PIK3R3: variants seen among roughly 807,000 people sequenced by gnomAD.
PIK3R3 encodes phosphoinositide-3-kinase regulatory subunit 3.
A neutral mutation model predicts 62.9 loss-of-function variants in PIK3R3; 64 were observed. That is an observed-to-expected ratio of 1.02 (90% CI 0.83 to 1.25). The LOEUF (loss-of-function observed/expected upper bound fraction) is 1.25, where lower values mean the gene tolerates loss of function less well. PIK3R3 is among the 50% of genes most tolerant of loss of function. The pLI, the probability that PIK3R3 is intolerant of heterozygous loss-of-function variation, is 0.00. For synonymous variants in PIK3R3, 165 were observed against 189.0 expected (o/e 0.87, Z 1.04); for missense variants, 614 against 561.6 (o/e 1.09, Z -0.94).
chr1:46,160,245 A>T, the PIK3R3 span, among the ~76,000 whole-genome samples: 152 of 152,288 alleles, frequency 1.0e-3, 1 homozygote, highest in Non-Finnish European at 5.4e-4. Flanking sequence ...GACAGTGAGT[A>T]CTCCATCCTT....
the PIK3R3 span, among the ~76,000 whole-genome samples, chr1:46,158,150 GCTGTCCTC>G: frequency 6.6e-6 from 1 of 152,072 alleles, no homozygotes; most frequent in African/African-American, 2.4e-5. Flanking sequence ...GCTGATCTAA[GCTGTCCTC>G]CTCCACTGCA....
intron 3 of PIK3R3, among the ~76,000 whole-genome samples, chr1:46,068,043 T>C (rs552165265): frequency 5.3e-5 from 8 of 152,248 alleles, no homozygotes; most frequent in Non-Finnish European, 1.0e-4. Context: ...TGCCATTTTA[T>C]ATAAATAGCA....
chr1:46,124,064 G>A (rs1208303325), intron 1 of PIK3R3, among the ~76,000 whole-genome samples: 1 of 152,088 alleles, frequency 6.6e-6, no homozygotes, highest in Non-Finnish European at 1.5e-5. Flanking sequence ...GAAAAGAATG[G>A]GGCAAAATAG....
chr1:46,102,289 T>C (rs1401435685), intron 1 of PIK3R3, among the ~76,000 whole-genome samples: 1 of 152,018 alleles, frequency 6.6e-6, no homozygotes, highest in Non-Finnish European at 1.5e-5. Context: ...CCGGCCTGAA[T>C]TGTATACTTA....
the PIK3R3 span, among the ~76,000 whole-genome samples, chr1:46,160,886 G>A: frequency 6.6e-6 from 1 of 152,212 alleles, no homozygotes; most frequent in African/African-American, 2.4e-5. Flanking sequence ...TTCCCCAAAG[G>A]AAAATGGGGA....
intron 1 of PIK3R3, among the ~76,000 whole-genome samples, chr1:46,103,838 C>T (rs1480119679): frequency 6.6e-6 from 1 of 152,060 alleles, no homozygotes; most frequent in Non-Finnish European, 1.5e-5. Context: ...TTGTGATCCA[C>T]CTGCCTCGGC....
chr1:46,096,486 G>A (rs1652135787), intron 1 of PIK3R3, among the ~76,000 whole-genome samples: 1 of 152,202 alleles, frequency 6.6e-6, no homozygotes, highest in Non-Finnish European at 1.5e-5. Flanking sequence ...TCTGCTGGGT[G>A]CCACAAGTCA....
the PIK3R3 span, among the ~76,000 whole-genome samples, chr1:46,170,411 GTGTTTGTT>G: frequency 2.6e-5 from 4 of 151,970 alleles, no homozygotes; most frequent in South Asian, 2.1e-4. Flanking sequence ...GTCTGGTTTG[GTGTTTGTT>G]TGTTTGTTTG....
At chr1:46,132,707 G>A (rs780878933), upstream of PIK3R3, 28 of 1,289,254 alleles carry the variant, frequency 2.2e-5, no homozygotes, top group Middle Eastern at 2.1e-4. Context: ...ACCCGCTGAG[G>A]CGCCACCCAA....
At chr1:46,150,766 C>T in the PIK3R3 span, among the ~76,000 whole-genome samples, 1 of 149,638 alleles carries the variant, frequency 6.7e-6, no homozygotes, top group Non-Finnish European at 1.5e-5. Flanking sequence ...GATAAAACAT[C>T]TAGATACTCT....
the PIK3R3 span, among the ~76,000 whole-genome samples, chr1:46,149,819 C>T: frequency 6.6e-6 from 1 of 152,186 alleles, no homozygotes; most frequent in African/African-American, 2.4e-5. Flanking sequence ...GCCTAAGCCT[C>T]CGCACCCGGC....
intron 5 of PIK3R3, among the ~76,000 whole-genome samples, chr1:46,063,916 A>G (rs552249536): frequency 6.6e-6 from 1 of 152,382 alleles, no homozygotes; most frequent in South Asian, 2.1e-4. Context: ...TAAGCTTCTT[A>G]AAGAGTTGTT....
At chr1:46,174,135 T>A in the PIK3R3 span, among the ~76,000 whole-genome samples, 1 of 152,324 alleles carries the variant, frequency 6.6e-6, no homozygotes, top group East Asian at 1.9e-4. Flanking sequence ...TCTGCGTATA[T>A]CTGCTTATAG....
chr1:46,163,014 A>C, the PIK3R3 span, among the ~76,000 whole-genome samples: 1 of 152,186 alleles, frequency 6.6e-6, no homozygotes. Context: ...AACATTACTT[A>C]AACATTATTT....
At chr1:46,140,657 A>G in the PIK3R3 span, among the ~76,000 whole-genome samples, 1 of 152,226 alleles carries the variant, frequency 6.6e-6, no homozygotes, top group East Asian at 1.9e-4. Flanking sequence ...GATTGGAGTG[A>G]TATATCTATA....
chr1:46,110,275 C>T (rs1368676747), intron 1 of PIK3R3, among the ~76,000 whole-genome samples: 40 of 71,320 alleles, frequency 5.6e-4, no homozygotes, highest in African/African-American at 1.9e-3. Context: ...CCAGGCTTGG[C>T]TTTTTTTTTT....
At chr1:46,098,282 G>A (rs1376334839) in intron 1 of PIK3R3, among the ~76,000 whole-genome samples, 1 of 152,150 alleles carries the variant, frequency 6.6e-6, no homozygotes, top group Non-Finnish European at 1.5e-5. Context: ...TGACAATGTG[G>A]AAAAAGTGAA....
At chr1:46,102,632 G>A (rs1476133126) in intron 1 of PIK3R3, among the ~76,000 whole-genome samples, 2 of 151,804 alleles carry the variant, frequency 1.3e-5, no homozygotes, top group East Asian at 3.9e-4. Flanking sequence ...AAAGAAAAAA[G>A]AAAGAAAAGA....
chr1:46,096,044 A>G (rs1652090795), intron 1 of PIK3R3, among the ~76,000 whole-genome samples: 1 of 152,144 alleles, frequency 6.6e-6, no homozygotes, highest in Non-Finnish European at 1.5e-5. Context: ...TTGGCCTCCT[A>G]AAGCGCTGGG....
Sources: allele counts gnomAD v4.1 joint callset (sites outside exome capture counted in the v4.1 genomes callset), GRCh38; gene constraint gnomAD v4.1.1; transcripts MANE v1.5; gene names NCBI Gene and HGNC (gene_info 2026-07-23, HGNC 2026-07-21).